Variants in SDAD1 observed in about 807,000 individuals in gnomAD.
SDAD1 encodes the protein protein SDA1 homolog.
In SDAD1, 79 loss-of-function variants were observed where a neutral mutation model predicts 100.3. The ratio of observed to expected loss-of-function variants is 0.79; its 90% confidence interval spans 0.66 to 0.95. SDAD1 has a LOEUF of 0.95. Ranked by LOEUF, SDAD1 falls within the 40% of genes least tolerant of loss-of-function variation. SDAD1 has a pLI of 0.00. For synonymous variants in SDAD1, 267 were observed against 271.4 expected, an observed-to-expected ratio of 0.98 and a Z score of 0.16; for missense variants, 790 against 810.9, an observed-to-expected ratio of 0.97 and a Z score of 0.31.
At chr4:75,973,583 A>G (rs2149322244) in intron 7 of SDAD1, among the ~76,000 whole-genome samples, 192 bp from the exon 8 acceptor site, 1 of 152,338 alleles carries the variant, frequency 6.6e-6, no homozygotes, top group East Asian at 1.9e-4. Context: ...AATTTTAAAA[A>G]CTAGATAAAA....
intron 1 of SDAD1, 79 bp downstream of exon 1, chr4:75,990,672 GC>G: frequency 6.2e-7 from 1 of 1,606,518 alleles, no homozygotes. Context: ...CTGGATCCCA[GC>G]CCCACTCCAT....
chr4:75,955,241 C>G (rs1004699666), intron 21 of SDAD1, among the ~76,000 whole-genome samples: 2 of 152,146 alleles, frequency 1.3e-5, no homozygotes, highest in East Asian at 3.9e-4. Flanking sequence ...CATAATCAAA[C>G]GACCCTAAAT....
chr4:75,970,300 A>C lies in SDAD1; in HGVS notation c.883+9T>G, dbSNP rs372414909. Reference sequence around the variant, plus strand: ...GCCAACAAGGAACTCGGACGTCATAATAACGTACCTTGGGGATCATGAATC... The same window carrying C: ...GCCAACAAGGAACTCGGACGTCATACTAACGTACCTTGGGGATCATGAATC... On this transcript the variant is annotated intron_variant, in intron 10 of 21. Coordinates refer to ENST00000356260, the MANE Select transcript of SDAD1 (RefSeq NM_018115.4). 2.5e-6 allele frequency: 4 copies of C among 1,611,422 alleles called. No individual in the cohort carries two copies. In the African/African-American group the frequency reaches 4.0e-5, roughly 16 times the overall value.
intron 6 of SDAD1, among the ~76,000 whole-genome samples, chr4:75,974,558 A>C (rs1730050839): frequency 6.6e-6 from 1 of 152,008 alleles, no homozygotes; most frequent in African/African-American, 2.4e-5. Context: ...TCTACACAAA[A>C]TACAAAAAAT....
At chr4:75,979,097 T>TA (rs1048521640) in intron 3 of SDAD1, among the ~76,000 whole-genome samples, 2 of 148,482 alleles carry the variant, frequency 1.3e-5, no homozygotes, top group Non-Finnish European at 3.0e-5. Flanking sequence ...ATAATAATAC[T>TA]AAAAAAAAGT....
intron 2 of SDAD1, 65 bp from the exon 3 acceptor site, chr4:75,981,535 T>A: frequency 6.2e-7 from 1 of 1,604,732 alleles, no homozygotes; most frequent in Non-Finnish European, 8.5e-7. Context: ...GATGCATACA[T>A]TTAGGATGTT....
intron 8 of SDAD1, 150 bp from the exon 9 acceptor site, chr4:75,971,608 C>T (rs562172751): frequency 1.1e-5 from 7 of 616,278 alleles, no homozygotes; most frequent in Admixed American, 3.0e-5. Context: ...CAGTGGCTCA[C>T]GTCTGTAATC....
At chr4:75,990,661 C>G in intron 1 of SDAD1, 91 bp downstream of exon 1, 1 of 1,604,310 alleles carries the variant, frequency 6.2e-7, no homozygotes, top group South Asian at 1.1e-5. Flanking sequence ...AGGCGGCGAG[C>G]CTGGATCCCA....
intron 10 of SDAD1, among the ~76,000 whole-genome samples, chr4:75,969,638 T>C (rs1421693025): frequency 6.6e-6 from 1 of 152,206 alleles, no homozygotes; most frequent in African/African-American, 2.4e-5. Flanking sequence ...TCTAGATCCT[T>C]GCTTCTTAAA....
At chr4:75,966,592 G>T (rs1349694453) in intron 12 of SDAD1, among the ~76,000 whole-genome samples, 1 of 152,110 alleles carries the variant, frequency 6.6e-6, no homozygotes, top group African/African-American at 2.4e-5. Flanking sequence ...CTTCTTTCCT[G>T]CTTTTGTGTT....
intron 8 of SDAD1, among the ~76,000 whole-genome samples, chr4:75,972,226 T>C (rs1729907197): frequency 6.6e-6 from 1 of 151,994 alleles, no homozygotes; most frequent in African/African-American, 2.4e-5. Flanking sequence ...GTGTGAGCCA[T>C]TGCACCCAGC....
chr4:75,970,395 A>G lies in SDAD1; in HGVS notation c.814-17T>C, dbSNP rs1375813719. The G allele has an allele frequency of 2.5e-6, 4 of 1,592,274 alleles. No homozygotes were observed. In the Admixed American group the frequency reaches 6.7e-5, roughly 27 times the overall value. ...TTTTTGTTTCTGAAAGGGAGAGGAA[A>G]AACATTTTCAGTCTGAGTTACAGTG... is the stretch of plus-strand genomic sequence containing the variant. On this transcript the variant is annotated splice_polypyrimidine_tract_variant and intron_variant, in intron 9 of 21. Coordinates refer to ENST00000356260, the MANE Select transcript of SDAD1 (RefSeq NM_018115.4).
intron 13 of SDAD1, 112 bp from the exon 14 acceptor site, chr4:75,964,323 TCA>T: frequency 5.5e-6 from 4 of 726,222 alleles, no homozygotes; most frequent in Non-Finnish European, 9.4e-6. Context: ...CCTTCCACCT[TCA>T]GTTTAGGAAT....
chr4:75,982,270 A>G (rs908031532), intron 1 of SDAD1, among the ~76,000 whole-genome samples: 1 of 152,242 alleles, frequency 6.6e-6, no homozygotes, highest in African/African-American at 2.4e-5. Flanking sequence ...AATTATCACT[A>G]CAAGTTTAGG....
At chr4:75,956,575 G>A (rs959065566) in intron 20 of SDAD1, among the ~76,000 whole-genome samples, 14 of 152,142 alleles carry the variant, frequency 9.2e-5, no homozygotes, top group Non-Finnish European at 1.9e-4. Context: ...CAAACAAGTG[G>A]AGATACAGAA....
At chr4:75,980,435 C>T (rs532208632) in intron 3 of SDAD1, among the ~76,000 whole-genome samples, 5 of 152,282 alleles carry the variant, frequency 3.3e-5, no homozygotes, top group East Asian at 3.9e-4. Flanking sequence ...GATATTAGTA[C>T]GTTTTGTGAT....
At chr4:75,970,977 T>C (rs1729838077) in intron 9 of SDAD1, among the ~76,000 whole-genome samples, 1 of 152,232 alleles carries the variant, frequency 6.6e-6, no homozygotes, top group African/African-American at 2.4e-5. Context: ...TTTATAGCAG[T>C]GTGAAAACAA....
Position 75,965,771 on chromosome 4 carries a change from G to C in SDAD1, c.1097C>G (p.Pro366Arg). The stretch of plus-strand genomic sequence containing the variant: ...CAGGTTACAGGTTCTCACCTCTGGG[G>C]GTACTAGGTGATGAGATGCTTGTGC... Reference protein sequence around the residue: ...FAAQASHHLVPPEIIQSLLMT... With the variant: ...FAAQASHHLVRPEIIQSLLMT... The change falls in exon 13 of 22, where the codon CCC becomes CGC. Residue 366 changes from proline to arginine, a missense_variant. Physicochemically the swap from Pro to Arg is moderately radical, Grantham distance 103 (BLOSUM62 -2). Transcript: ENST00000356260. 6.2e-7 allele frequency: 1 copy of C among 1,613,190 alleles called. No individual in the cohort carries two copies. The highest frequency in any genetic ancestry group is 8.5e-7 in the Non-Finnish European group (1 of 1,179,246).
At chr4:75,990,208 G>A (rs1171771805) in intron 1 of SDAD1, among the ~76,000 whole-genome samples, 1 of 151,674 alleles carries the variant, frequency 6.6e-6, no homozygotes, top group Non-Finnish European at 1.5e-5. Context: ...GCCAGTCTCC[G>A]GTAAGTTTGA....
Sources: gnomAD v4.1 joint callset for allele counts (sites outside exome capture counted in the v4.1 genomes callset) on GRCh38, gnomAD v4.1.1 for gene constraint, MANE v1.5 for transcripts, NCBI Gene and HGNC (gene_info 2026-07-23, HGNC 2026-07-21) for gene names.